The following LDB2 variants were observed in gnomAD, a reference collection of about 807,000 sequenced individuals.
The protein encoded by LDB2 is LIM domain binding 2, also known as LIM domain-binding protein 2.
In LDB2, 12 loss-of-function variants were observed where a neutral mutation model predicts 44.3. The ratio of observed to expected loss-of-function variants is 0.27; its 90% confidence interval spans 0.17 to 0.44. The LOEUF (loss-of-function observed/expected upper bound fraction) is 0.44, where lower values mean the gene tolerates loss of function less well. Ranked by LOEUF, LDB2 falls within the 20% of genes least tolerant of loss-of-function variation. LDB2 has a pLI of 1.00. For synonymous variants in LDB2, 164 were observed against 174.8 expected (o/e 0.94, Z 0.49); for missense variants, 344 against 473.5 (o/e 0.73, Z 2.54).
At chr4:16,641,016 C>T (rs1560727803) in intron 2 of LDB2, among the ~76,000 whole-genome samples, 1 of 152,078 alleles carries the variant, frequency 6.6e-6, no homozygotes, top group South Asian at 2.1e-4. Flanking sequence ...ACACCAGTTC[C>T]AAATGATGGT....
At position 16,730,198 on chromosome 4, in the gene LDB2, G is replaced by C. The variant is rs772834006; in HGVS notation, c.235+28960C>G. 2.0e-5 allele frequency among the ~76,000 whole-genome samples: 3 copies of C among 152,156 alleles called. No homozygotes were observed. In the East Asian group the frequency reaches 5.8e-4, roughly 29 times the overall value. On this transcript the variant is annotated intron_variant, in intron 2 of 7. Transcript: ENST00000304523. ...CTCGTGATTTCTGGCATAATAGGGG[G>C]ATCTTGAGATTCCCAGAGTCCATCC...
chr4:16,503,714 C>CTAAT (rs1321167074), intron 7 of LDB2, among the ~76,000 whole-genome samples: 5 of 152,130 alleles, frequency 3.3e-5, no homozygotes, highest in African/African-American at 1.2e-4. Context: ...ATGAAGAACG[C>CTAAT]TAATTATAAT....
intron 2 of LDB2, among the ~76,000 whole-genome samples, chr4:16,701,876 A>G (rs1156451702): frequency 3.3e-5 from 5 of 152,208 alleles, no homozygotes; most frequent in Non-Finnish European, 5.9e-5. Flanking sequence ...ATATATAATG[A>G]CCAGAACATT....
Position 16,718,319 on chromosome 4 carries a change from ATATG to A in LDB2, c.235+40835_235+40838del, listed in dbSNP as rs149360051. On this transcript the variant is annotated intron_variant, in intron 2 of 7. Coordinates refer to ENST00000304523, the MANE Select transcript of LDB2 (RefSeq NM_001290.5). Reference sequence around the variant, plus strand: ...ATATGTAACCTACATAACTTCACAGATATGTATGTATGTGTATATATTTTTCAAT... The same window carrying A: ...ATATGTAACCTACATAACTTCACAGATATGTATGTGTATATATTTTTCAAT... Among the ~76,000 whole-genome samples, 1,061 of 152,190 alleles carry A rather than the reference ATATG, an allele frequency of 7.0e-3. 10 individuals carry two copies. Among genetic ancestry groups the A allele is most frequent in the African/African-American group, 0.025 (1,034 of 41,540 alleles).
At chr4:16,641,735 C>A (rs990743184) in intron 2 of LDB2, among the ~76,000 whole-genome samples, 4 of 152,094 alleles carry the variant, frequency 2.6e-5, no homozygotes, top group Non-Finnish European at 4.4e-5. Flanking sequence ...CACTGGATGT[C>A]ACATTTCAAC....
intron 1 of LDB2, among the ~76,000 whole-genome samples, chr4:16,792,358 A>G (rs1225796798): frequency 1.3e-5 from 2 of 152,232 alleles, no homozygotes; most frequent in Admixed American, 6.5e-5. Context: ...CAAGCCTATA[A>G]GATAGATACT....
Position 16,508,601 on chromosome 4 carries a change from A to G in LDB2, c.825T>C (p.Asn275=), listed in dbSNP as rs1720503993. 3.1e-6 allele frequency: 5 copies of G among 1,613,322 alleles called. No homozygotes were observed. The highest frequency in any genetic ancestry group is 2.2e-5 in the East Asian group (1 of 44,846). The change falls in exon 7 of 8, where the codon AAT becomes AAC. Residue 275 remains asparagine (N), a synonymous_variant. Transcript: ENST00000304523. ...SSTSNSSAGN[N]ANSTGSKKKT... is the part of the protein sequence containing the mutation. ...TCTTCTTGCTGCCAGTGCTGTTTGC[A>G]TTGTTCCCAGCGCTGCTGTTGGAAG...
intron 2 of LDB2, among the ~76,000 whole-genome samples, chr4:16,756,601 T>C (rs928196970): frequency 2.6e-5 from 4 of 152,216 alleles, no homozygotes; most frequent in African/African-American, 2.4e-5. Context: ...ATATAAACTT[T>C]TCTACAAATG....
At chr4:16,633,887 A>G (rs1186927594) in intron 2 of LDB2, among the ~76,000 whole-genome samples, 2 of 152,196 alleles carry the variant, frequency 1.3e-5, no homozygotes, top group Admixed American at 6.5e-5. Flanking sequence ...AGTAACCAAA[A>G]CAGCATGGTG....
chr4:16,811,192 G>A (rs544251913), intron 1 of LDB2, among the ~76,000 whole-genome samples: 4 of 152,330 alleles, frequency 2.6e-5, no homozygotes, highest in African/African-American at 9.6e-5. Context: ...GATGTGCTTT[G>A]CACACTGTAC....
chr4:16,616,350 C>G (rs1727334406), intron 2 of LDB2, among the ~76,000 whole-genome samples: 1 of 151,952 alleles, frequency 6.6e-6, no homozygotes, highest in African/African-American at 2.4e-5. Context: ...ACAGAAAACA[C>G]CTGATTCCCA....
chr4:16,806,109 T>C (rs1378279989), intron 1 of LDB2, among the ~76,000 whole-genome samples: 1 of 152,230 alleles, frequency 6.6e-6, no homozygotes, highest in Non-Finnish European at 1.5e-5. Flanking sequence ...GATAGGAAAC[T>C]GAGTAACAGT....
intron 1 of LDB2, among the ~76,000 whole-genome samples, chr4:16,789,660 T>C (rs1046510677): frequency 2.6e-5 from 4 of 152,234 alleles, no homozygotes; most frequent in African/African-American, 9.6e-5. Flanking sequence ...CCAGGTGCAG[T>C]GGCTCATGCC....
chr4:16,896,323 TC>T (rs1402245229), intron 1 of LDB2, among the ~76,000 whole-genome samples: 48 of 152,274 alleles, frequency 3.2e-4, no homozygotes, highest in African/African-American at 1.1e-3. Context: ...TAATGTACCA[TC>T]TTTGCAAAGC....
intron 2 of LDB2, among the ~76,000 whole-genome samples, chr4:16,701,951 T>G (rs1231526832): frequency 6.6e-6 from 1 of 152,226 alleles, no homozygotes; most frequent in Non-Finnish European, 1.5e-5. Context: ...TTGTTATTGC[T>G]ATTACTTTAC....
chr4:16,808,119 A>G (rs923144576), intron 1 of LDB2, among the ~76,000 whole-genome samples: 1 of 152,164 alleles, frequency 6.6e-6, no homozygotes, highest in Non-Finnish European at 1.5e-5. Context: ...AAGGAAAAAA[A>G]GGAAAGGAAA....
intron 2 of LDB2, among the ~76,000 whole-genome samples, chr4:16,689,598 G>C (rs1397322584): frequency 6.6e-6 from 1 of 152,296 alleles, no homozygotes; most frequent in Admixed American, 6.5e-5. Context: ...CTTAGAAGCT[G>C]TCTGACTCCT....
At chr4:16,862,633 C>CAAAAA (rs58157857) in intron 1 of LDB2, among the ~76,000 whole-genome samples, 9 of 45,084 alleles carry the variant, frequency 2.0e-4, no homozygotes, top group African/African-American at 3.7e-4. Flanking sequence ...AATTCCATCT[C>CAAAAA]AAAAAAAAAA....
chr4:16,661,956 A>G (rs1741708800), intron 2 of LDB2, among the ~76,000 whole-genome samples: 1 of 152,144 alleles, frequency 6.6e-6, no homozygotes, highest in African/African-American at 2.4e-5. Context: ...AGATCTCAGC[A>G]CAGATTCCAG....
Sources: gnomAD v4.1 joint callset for allele counts (sites outside exome capture counted in the v4.1 genomes callset) on GRCh38, gnomAD v4.1.1 for gene constraint, MANE v1.5 for transcripts, NCBI Gene and HGNC (gene_info 2026-07-23, HGNC 2026-07-21) for gene names.